SPMAP2L: variants seen among roughly 807,000 people sequenced by gnomAD.
SPMAP2L encodes sperm microtubule associated protein 2 like.
chr4:56,599,240 T>C, the SPMAP2L span, among the ~76,000 whole-genome samples: 1 of 152,100 alleles, frequency 6.6e-6, no homozygotes, highest in African/African-American at 2.4e-5. Context: ...TGGAGAGCAG[T>C]GGTGCTATCA....
the SPMAP2L span, among the ~76,000 whole-genome samples, chr4:56,568,047 T>TTCATTAA: frequency 1.3e-5 from 2 of 152,220 alleles, no homozygotes; most frequent in East Asian, 3.8e-4. Flanking sequence ...TCTCTATGTC[T>TTCATTAA]TCATTAATCT....
chr4:56,606,942 A>G, the SPMAP2L span, among the ~76,000 whole-genome samples: 1 of 152,162 alleles, frequency 6.6e-6, no homozygotes, highest in African/African-American at 2.4e-5. Context: ...TGTTGGTACC[A>G]TGGTGGAGAC....
the SPMAP2L span, among the ~76,000 whole-genome samples, chr4:56,602,434 TG>T: frequency 1.3e-5 from 2 of 152,192 alleles, no homozygotes; most frequent in Non-Finnish European, 2.9e-5. Context: ...GGCTCACACC[TG>T]TAATCCCAGC....
At chr4:56,563,269 T>G in the SPMAP2L span, among the ~76,000 whole-genome samples, 1 of 150,536 alleles carries the variant, frequency 6.6e-6, no homozygotes, top group Non-Finnish European at 1.5e-5. Flanking sequence ...ATTTTTTTTT[T>G]TTTTTTGTAT....
At chr4:56,625,464 G>T in the SPMAP2L span, among the ~76,000 whole-genome samples, 1 of 152,084 alleles carries the variant, frequency 6.6e-6, no homozygotes, top group Non-Finnish European at 1.5e-5. Context: ...ATATGGTTTG[G>T]CTATGTTCCC....
the SPMAP2L span, among the ~76,000 whole-genome samples, chr4:56,555,674 TA>T: frequency 4.9e-4 from 75 of 152,164 alleles, no homozygotes; most frequent in Admixed American, 1.3e-3. Flanking sequence ...ATCTTTTATG[TA>T]TTTTTTTGGA....
At chr4:56,556,982 C>T in the SPMAP2L span, among the ~76,000 whole-genome samples, 3 of 152,046 alleles carry the variant, frequency 2.0e-5, no homozygotes, top group Non-Finnish European at 4.4e-5. Context: ...GGTGTGGTGG[C>T]TCACGCCTGT....
the SPMAP2L span, among the ~76,000 whole-genome samples, chr4:56,604,191 T>C: frequency 6.6e-6 from 1 of 152,214 alleles, no homozygotes; most frequent in African/African-American, 2.4e-5. Flanking sequence ...AGATAGAACC[T>C]GAAGTTGTCT....
At chr4:56,613,567 T>G in the SPMAP2L span, among the ~76,000 whole-genome samples, 1 of 152,144 alleles carries the variant, frequency 6.6e-6, no homozygotes, top group African/African-American at 2.4e-5. Flanking sequence ...AGACCTCAAC[T>G]AGCAAACCTC....
chr4:56,564,015 A>AT, the SPMAP2L span, among the ~76,000 whole-genome samples: 1 of 152,134 alleles, frequency 6.6e-6, no homozygotes, highest in African/African-American at 2.4e-5. Flanking sequence ...TTTTTTAACT[A>AT]TAAATTTAAT....
chr4:56,531,059 G>T, the SPMAP2L span: 3 of 1,535,300 alleles, frequency 2.0e-6, no homozygotes, highest in Admixed American at 3.9e-5. Context: ...CGTGAGCCCC[G>T]CAAGTCCCGC....
chr4:56,554,223 A>G, the SPMAP2L span, among the ~76,000 whole-genome samples: 2 of 152,160 alleles, frequency 1.3e-5, no homozygotes, highest in Admixed American at 6.5e-5. Context: ...TTGCTGGATA[A>G]TATGGTAAGA....
chr4:56,575,312 T>G, the SPMAP2L span, among the ~76,000 whole-genome samples: 5 of 152,170 alleles, frequency 3.3e-5, no homozygotes, highest in Non-Finnish European at 5.9e-5. Context: ...TTGAGTATAA[T>G]AGAAGCCAGT....
At chr4:56,603,379 T>C in the SPMAP2L span, 1 of 1,278,346 alleles carries the variant, frequency 7.8e-7, no homozygotes, top group Non-Finnish European at 1.1e-6. Flanking sequence ...ACATATTAGA[T>C]GACTTAGTTC....
At chr4:56,584,504 AGT>A in the SPMAP2L span, 1 of 1,533,364 alleles carries the variant, frequency 6.5e-7, no homozygotes, top group Non-Finnish European at 8.7e-7. Flanking sequence ...TAGACCCTTC[AGT>A]GATAACTCAG....
At chr4:56,537,254 T>G in the SPMAP2L span, among the ~76,000 whole-genome samples, 1 of 152,126 alleles carries the variant, frequency 6.6e-6, no homozygotes, top group African/African-American at 2.4e-5. Context: ...CTGACTCCTT[T>G]AAAAAATATT....
chr4:56,608,338 A>T, the SPMAP2L span, among the ~76,000 whole-genome samples: 1 of 152,264 alleles, frequency 6.6e-6, no homozygotes, highest in Non-Finnish European at 1.5e-5. Flanking sequence ...AAGGATAAGA[A>T]GCATGGTTGA....
the SPMAP2L span, among the ~76,000 whole-genome samples, chr4:56,625,447 C>T: frequency 1.3e-3 from 193 of 152,110 alleles, 1 homozygote; most frequent in East Asian, 0.024. Context: ...GGGCCAGGGG[C>T]GGAATGATAT....
chr4:56,606,138 A>C, the SPMAP2L span, among the ~76,000 whole-genome samples: 1 of 152,178 alleles, frequency 6.6e-6, no homozygotes, highest in East Asian at 1.9e-4. Context: ...TCAAAGTGTG[A>C]CGTTTTCTTA....
Sources: allele counts gnomAD v4.1 joint callset (sites outside exome capture counted in the v4.1 genomes callset), GRCh38; gene constraint gnomAD v4.1.1; transcripts MANE v1.5; gene names NCBI Gene and HGNC (gene_info 2026-07-23, HGNC 2026-07-21).